The following CRB2 variants were observed in gnomAD, a reference collection of about 807,000 sequenced individuals.
CRB2 encodes crumbs cell polarity complex component 2, also known as protein crumbs homolog 2.
In CRB2, 85 loss-of-function variants were observed where a neutral mutation model predicts 110.9. The observed-to-expected ratio is 0.77, with a 90% CI of 0.64 to 0.92. The LOEUF is 0.92. Ranked by LOEUF, CRB2 falls within the 40% of genes least tolerant of loss-of-function variation. The pLI is 0.00. For synonymous variants in CRB2, 907 were observed against 831.0 expected, an observed-to-expected ratio of 1.09 and a Z score of -1.57; for missense variants, 1,843 against 1,851.3, an observed-to-expected ratio of 1.00 and a Z score of 0.08.
chr9:123,375,266 G>T lies in CRB2; in HGVS notation c.3556G>T (p.Gly1186Cys), dbSNP rs759838902. ...PCEANPCLNG[G>C]TCRAAGGVSE... is the part of the protein sequence containing the mutation. ...TGAAGCCAACCCCTGCTTGAATGGG[G>T]GCACCTGCCGGGCAGCTGGAGGGGT... Residue 1186 changes from glycine to cysteine, a missense_variant, in exon 12 of 13, where the codon GGC (glycine) becomes TGC (cysteine). Physicochemically the swap from Gly to Cys is radical, Grantham distance 159. Coordinates refer to ENST00000373631, the MANE Select transcript of CRB2 (RefSeq NM_173689.7). The T allele has an allele frequency of 6.2e-7, 1 of 1,612,408 alleles. No individual in the cohort carries two copies. Among genetic ancestry groups the T allele is most frequent in the Non-Finnish European group, 8.5e-7 (1 of 1,179,218 alleles).
chr9:123,368,770 G>C, intron 6 of CRB2: 1 of 1,157,400 alleles, frequency 8.6e-7, no homozygotes, highest in Non-Finnish European at 1.1e-6. Flanking sequence ...GGGGAGGCCA[G>C]TGCCTGGCAT....
At chr9:123,367,483 G>T in intron 5 of CRB2, 90 bp from the exon 6 acceptor site, 1 of 1,205,492 alleles carries the variant, frequency 8.3e-7, no homozygotes, top group Admixed American at 2.5e-5. Context: ...CTCTCTCTTG[G>T]ACTCAGTCTC....
chr9:123,374,448 C>G, intron 10 of CRB2, 131 bp from the exon 11 acceptor site: 1 of 686,056 alleles, frequency 1.5e-6, no homozygotes, highest in Admixed American at 2.2e-5. Context: ...GGACCTCAAT[C>G]CCATGCCCAA....
rs140161231 is a variant in CRB2, at chr9:123,370,714, C to T, written c.1661C>T (p.Ala554Val). The T allele has an allele frequency of 1.2e-5, 20 of 1,604,148 alleles. No individual in the cohort carries two copies. The African/African-American group carries it at 2.5e-4, about 20-fold the overall frequency. ...LCVASGPVAL[A>V]STASATPLPA... ...GTGGCCTCTGGTCCTGTGGCCCTGG[C>T]TTCCACGGCTTCGGCAACTCCGCTG... Residue 554 changes from alanine to valine, a missense_variant, in exon 7 of 13, where the codon GCT (alanine) becomes GTT (valine). Physicochemically the swap from Ala to Val is moderately conservative, Grantham distance 64. Coordinates refer to ENST00000373631, the MANE Select transcript of CRB2 (RefSeq NM_173689.7).
chr9:123,361,985 G>T (rs369923304), intron 1 of CRB2, among the ~76,000 whole-genome samples: 1 of 152,214 alleles, frequency 6.6e-6, no homozygotes, highest in Non-Finnish European at 1.5e-5. Context: ...TTAGAGCCCC[G>T]GTGCTGGAAG....
At chr9:123,363,541 T>C (rs532534717) in intron 2 of CRB2, among the ~76,000 whole-genome samples, 6 of 152,258 alleles carry the variant, frequency 3.9e-5, no homozygotes, top group African/African-American at 1.2e-4. Context: ...CCAGATAGTC[T>C]TTCTAGCACT....
chr9:123,363,074 G>A lies in CRB2; in HGVS notation c.304G>A (p.Gly102Ser), dbSNP rs758718182. 6.2e-6 allele frequency: 10 copies of A among 1,611,628 alleles called. No homozygotes were observed. The highest frequency in any genetic ancestry group is 5.9e-6 in the Non-Finnish European group (7 of 1,179,894). The change falls in exon 2 of 13, where the codon GGC (glycine) becomes AGC (serine). Residue 102 changes from glycine to serine, a missense_variant. Gly to Ser is a moderately conservative substitution (Grantham distance 56). Coordinates refer to ENST00000373631, the MANE Select transcript of CRB2 (RefSeq NM_173689.7). The stretch of plus-strand genomic sequence containing the variant: ...CTGCTACTGCGTGCCGGGTTTCCAG[G>A]GCCCACGCTGCGAGCTGGACATCGA... ...FRCYCVPGFQ[G>S]PRCELDIDEC...
chr9:123,373,111 C>G, intron 9 of CRB2, 23 bp from the exon 10 acceptor site: 1 of 1,472,516 alleles, frequency 6.8e-7, no homozygotes, highest in African/African-American at 1.5e-5. Context: ...TGGGCTATTC[C>G]CTGAGGCTCC....
In CRB2 at chr9:123,370,613, C is replaced by G. The variant is rs748005509; in HGVS notation, c.1560C>G (p.His520Gln). The part of the protein sequence containing the change: ...PDLALNDGHW[H>Q]QVEVVLHLAT... ...TGGCCCTAAACGATGGCCATTGGCA[C>G]CAGGTGGAGGTTGTGCTCCATCTAG... The change falls in exon 7 of 13, where the codon CAC becomes CAG. Residue 520 changes from histidine to glutamine, a missense_variant. Coordinates refer to ENST00000373631, the MANE Select transcript of CRB2 (RefSeq NM_173689.7). 6.2e-7 allele frequency: 1 copy of G among 1,612,262 alleles called. No individual in the cohort carries two copies. Among genetic ancestry groups the G allele is most frequent in the South Asian group, 1.1e-5 (1 of 91,086 alleles).
intron 6 of CRB2, chr9:123,369,025 C>A: frequency 9.6e-7 from 1 of 1,045,674 alleles, no homozygotes; most frequent in South Asian, 1.8e-5. Context: ...TGTTTGTGAG[C>A]TGATCGAGGC....
At chr9:123,375,453 C>T in intron 12 of CRB2, 110 bp downstream of exon 12, 1 of 1,311,442 alleles carries the variant, frequency 7.6e-7, no homozygotes, top group Non-Finnish European at 1.0e-6. Context: ...GCCACTCTGT[C>T]ATGGGGTGGG....
In CRB2 at chr9:123,361,138, G is replaced by GT. The variant is rs55927189; in HGVS notation, c.95-1727_95-1726insT. 1.1e-4 allele frequency among the ~76,000 whole-genome samples: 13 copies of GT among 115,964 alleles called. 1 individual carries two copies. Among genetic ancestry groups the GT allele is most frequent in the African/African-American group, 4.1e-4 (12 of 29,340 alleles). The allele number at this position is 115,964 out of a possible 152,430, so 76.1% of individuals were successfully genotyped here. ...AAGCTTCAGATTGGATGGGCGGGGA[G>GT]GGGGGGGGGTTCCTTGCACTGCACA... On this transcript the variant is annotated intron_variant, in intron 1 of 12. Coordinates refer to ENST00000373631, the MANE Select transcript of CRB2 (RefSeq NM_173689.7).
chr9:123,370,735 C>T lies in CRB2; in HGVS notation c.1682C>T (p.Pro561Leu), dbSNP rs765606633. The T allele has an allele frequency of 1.3e-5, 21 of 1,603,064 alleles. No homozygotes were observed. The highest frequency in any genetic ancestry group is 5.5e-5 in the South Asian group (5 of 91,068). ...VALASTASAT[P>L]LPAGISSAQL... is the part of the protein sequence containing the mutation. ...CTGGCTTCCACGGCTTCGGCAACTCCGCTGCCTGCCGGGATCTCCTCTGCC... is the reference window on the plus strand; with the variant it reads ...CTGGCTTCCACGGCTTCGGCAACTCTGCTGCCTGCCGGGATCTCCTCTGCC... The change falls in exon 7 of 13, where the codon CCG (proline) becomes CTG (leucine). Residue 561 changes from proline to leucine, a missense_variant. Coordinates refer to ENST00000373631, the MANE Select transcript of CRB2 (RefSeq NM_173689.7).
upstream of CRB2, among the ~76,000 whole-genome samples, chr9:123,354,184 G>GTAC (rs2041775262): frequency 6.6e-6 from 1 of 152,232 alleles, no homozygotes; most frequent in Admixed American, 6.5e-5. Flanking sequence ...GCTGTCGGGG[G>GTAC]AGCCCCCCTC....
At position 123,366,944 on chromosome 9, in the gene CRB2, C is replaced by CA. The variant is rs3050063; in HGVS notation, c.755-210dup. Among the ~76,000 whole-genome samples the CA allele has an allele frequency of 0.45, 60,612 of 133,710 alleles. 15,772 individuals are homozygous for CA. Among genetic ancestry groups the CA allele is most frequent in the Non-Finnish European group, 0.61 (38,465 of 63,104 alleles). 87.7% of individuals were successfully genotyped at this position (133,710 alleles called of 152,430 possible). ...TGGGCAACAGAGTGAGATTCTATCT[C>CA]AAAAAAAAAAAAAAAAAATTAGTAG... On this transcript the variant is annotated intron_variant, in intron 4 of 12. Coordinates refer to ENST00000373631, the MANE Select transcript of CRB2 (RefSeq NM_173689.7).
intron 1 of CRB2, among the ~76,000 whole-genome samples, chr9:123,359,450 T>TTG (rs2041841319): frequency 1.4e-5 from 2 of 138,842 alleles, no homozygotes; most frequent in South Asian, 2.3e-4. Flanking sequence ...TGTTTTTTTT[T>TTG]TTTTTTTTTT....
intron 2 of CRB2, among the ~76,000 whole-genome samples, chr9:123,364,774 C>T (rs1418482996): frequency 6.6e-6 from 1 of 152,226 alleles, no homozygotes; most frequent in African/African-American, 2.4e-5. Flanking sequence ...GACTCCCCAT[C>T]TCCCTTCCTC....
intron 1 of CRB2, among the ~76,000 whole-genome samples, chr9:123,360,328 C>T (rs1188120658): frequency 6.6e-6 from 1 of 152,152 alleles, no homozygotes; most frequent in Non-Finnish European, 1.5e-5. Flanking sequence ...TCGGCCCAGG[C>T]AGCCTGAGGT....
In CRB2 at chr9:123,370,464, G is replaced by T. The variant is rs779153310; in HGVS notation, c.1411G>T (p.Ala471Ser). ...LALRFRTTLP[A>S]GTLATRNDTK... ...ACTGAGGTTTCGCACCACACTGCCC[G>T]CTGGGACCTTGGCCACTCGCAATGA... Residue 471 changes from alanine (A) to serine (S), a missense_variant, in exon 7 of 13, where the codon GCT becomes TCT. Coordinates refer to ENST00000373631, the MANE Select transcript of CRB2 (RefSeq NM_173689.7). 31 of 1,613,320 alleles carry T rather than the reference G, an allele frequency of 1.9e-5. No homozygotes were observed. The highest frequency in any genetic ancestry group is 4.5e-5 in the East Asian group (2 of 44,904).
Sources: gnomAD v4.1 joint callset for allele counts (sites outside exome capture counted in the v4.1 genomes callset) on GRCh38, gnomAD v4.1.1 for gene constraint, MANE v1.5 for transcripts, NCBI Gene and HGNC (gene_info 2026-07-23, HGNC 2026-07-21) for gene names.